Variants in GLYATL2 observed in about 807,000 individuals in gnomAD.
GLYATL2 encodes the protein glycine-N-acyltransferase like 2.
In GLYATL2, 25 loss-of-function variants were observed where a neutral mutation model predicts 21.4. That is an observed-to-expected ratio of 1.17 (90% CI 0.85 to 1.63). The LOEUF (loss-of-function observed/expected upper bound fraction) is 1.63. Among genes scored for constraint, GLYATL2 ranks in the 40% most tolerant of loss-of-function variants. The pLI, the probability that GLYATL2 is intolerant of heterozygous loss-of-function variation, is 0.00. For synonymous variants in GLYATL2, 114 were observed against 118.2 expected, an observed-to-expected ratio of 0.96 and a Z score of 0.23; for missense variants, 361 against 343.3, an observed-to-expected ratio of 1.05 and a Z score of -0.41.
upstream of GLYATL2, chr11:58,907,452 A>C: frequency 2.3e-6 from 1 of 437,850 alleles, no homozygotes; most frequent in Non-Finnish European, 4.6e-6. Context: ...CTTGCAAACC[A>C]TTATTTCATG....
At chr11:58,858,450 T>C (rs1459257728) in intron 1 of GLYATL2, among the ~76,000 whole-genome samples, 1 of 121,868 alleles carries the variant, frequency 8.2e-6, no homozygotes, top group African/African-American at 2.9e-5. Context: ...CTGTTAAAGA[T>C]GAAGAATTGG....
chr11:58,873,681 A>G (rs1215327885), intron 1 of GLYATL2, among the ~76,000 whole-genome samples: 1 of 152,100 alleles, frequency 6.6e-6, no homozygotes, highest in Non-Finnish European at 1.5e-5. Context: ...TGCTGGATTC[A>G]GTTTGCCAGT....
intron 2 of GLYATL2, among the ~76,000 whole-genome samples, chr11:58,838,675 CTATT>C (rs1853487573): frequency 1.3e-5 from 2 of 152,164 alleles, no homozygotes; most frequent in Admixed American, 1.3e-4. Context: ...TCATAACACA[CTATT>C]TATTTGGCAT....
At chr11:58,893,143 A>C (rs750442017) in intron 1 of GLYATL2, 2 of 399,868 alleles carry the variant, frequency 5.0e-6, no homozygotes, top group East Asian at 8.5e-5. Context: ...CCTTCCTTAC[A>C]TCAAGCGCTG....
At chr11:58,838,686 G>C (rs1284475140) in intron 2 of GLYATL2, among the ~76,000 whole-genome samples, 1 of 151,902 alleles carries the variant, frequency 6.6e-6, no homozygotes, top group Admixed American at 6.6e-5. Flanking sequence ...TATTTATTTG[G>C]CATCTATTAT....
At chr11:58,851,046 G>T (rs1249816532) in intron 1 of GLYATL2, among the ~76,000 whole-genome samples, 1 of 152,176 alleles carries the variant, frequency 6.6e-6, no homozygotes, top group Admixed American at 6.5e-5. Flanking sequence ...AAACAGGGAA[G>T]GGCCCCCTGT....
intron 1 of GLYATL2, among the ~76,000 whole-genome samples, chr11:58,855,176 C>T (rs930790368): frequency 3.5e-4 from 53 of 152,124 alleles, no homozygotes; most frequent in African/African-American, 1.3e-3. Flanking sequence ...ATTTACTTTG[C>T]CCTGATCCAT....
chr11:58,868,057 C>CCCTACAGATGGGAGAGGAG (rs960338334), intron 1 of GLYATL2, among the ~76,000 whole-genome samples: 2 of 148,690 alleles, frequency 1.3e-5, no homozygotes, highest in African/African-American at 2.4e-5. Flanking sequence ...AGCTCAGCAG[C>CCCTACAGATGGGAGAGGAG]CCTACAGATG....
At chr11:58,838,747 C>T (rs1253129109) in intron 2 of GLYATL2, among the ~76,000 whole-genome samples, 1 of 152,028 alleles carries the variant, frequency 6.6e-6, no homozygotes, top group African/African-American at 2.4e-5. Context: ...TATGATATGG[C>T]TACAACCCTA....
At chr11:58,841,521 A>G (rs1469971345) in intron 1 of GLYATL2, among the ~76,000 whole-genome samples, 1 of 152,196 alleles carries the variant, frequency 6.6e-6, no homozygotes, top group Admixed American at 6.5e-5. Flanking sequence ...CATTTTAAAG[A>G]CCTCTAATCC....
intron 1 of GLYATL2, among the ~76,000 whole-genome samples, chr11:58,894,558 T>C (rs1854604060): frequency 6.6e-6 from 1 of 152,022 alleles, no homozygotes; most frequent in Non-Finnish European, 1.5e-5. Flanking sequence ...GGAGTTGGCT[T>C]TGGGAGTAAA....
chr11:58,892,644 T>G (rs1288602737), intron 1 of GLYATL2: 29 of 322,386 alleles, frequency 9.0e-5, no homozygotes, highest in Non-Finnish European at 6.2e-6. Flanking sequence ...AATATTGCTT[T>G]CTTGCCTTTC....
chr11:58,871,614 C>T (rs1310894570), intron 1 of GLYATL2, among the ~76,000 whole-genome samples: 1 of 152,116 alleles, frequency 6.6e-6, no homozygotes, highest in African/African-American at 2.4e-5. Context: ...GACATGAACT[C>T]ATCCTTTTTT....
chr11:58,892,616 G>T, intron 1 of GLYATL2: 2 of 284,430 alleles, frequency 7.0e-6, no homozygotes, highest in South Asian at 1.5e-4. Context: ...AGTGTAAGTC[G>T]AGAACATCAC....
At chr11:58,863,759 G>C (rs1026688419) in intron 1 of GLYATL2, among the ~76,000 whole-genome samples, 5 of 152,082 alleles carry the variant, frequency 3.3e-5, no homozygotes, top group African/African-American at 4.8e-5. Flanking sequence ...GTCCACAAAG[G>C]CTTGCCTGGG....
chr11:58,838,288 C>A lies in GLYATL2; in HGVS notation c.159G>T (p.Gln53His), dbSNP rs990854783. ...EVLVDAWPDY[Q>H]IVITRPQKQE... ...GTTTCTGAGGCCGGGTAATGACGAT[C>A]TGGTAATCTGGCCAGGCATCTACCA... The change falls in exon 3 of 6, where the codon CAG becomes CAT. Residue 53 changes from glutamine to histidine, a missense_variant. By Grantham distance (24) the Gln-to-His change is conservative. Coordinates refer to ENST00000287275, the MANE Select transcript of GLYATL2 (RefSeq NM_145016.4). 4 of 1,613,126 alleles carry A rather than the reference C, an allele frequency of 2.5e-6. No individual in the cohort carries two copies. Among genetic ancestry groups the A allele is most frequent in the Non-Finnish European group, 3.4e-6 (4 of 1,179,234 alleles).
chr11:58,871,526 A>G (rs1195417267), intron 1 of GLYATL2, among the ~76,000 whole-genome samples: 2 of 148,754 alleles, frequency 1.3e-5, no homozygotes, highest in Non-Finnish European at 3.0e-5. Context: ...GAGTGAGAAC[A>G]TGCAGTGTTT....
At chr11:58,890,868 C>G (rs1012973391) in intron 1 of GLYATL2, among the ~76,000 whole-genome samples, 5 of 151,890 alleles carry the variant, frequency 3.3e-5, no homozygotes, top group Non-Finnish European at 7.4e-5. Context: ...TCTTCTCTCT[C>G]TCTTTTGCCA....
chr11:58,854,296 C>T lies in GLYATL2; in HGVS notation n.61-15928G>A, dbSNP rs558219229. 3.9e-5 allele frequency among the ~76,000 whole-genome samples: 6 copies of T among 152,226 alleles called. No homozygotes were observed. The East Asian group carries it at 1.2e-3, about 29-fold the overall frequency. ...TGCAGATATCTGTTTAACATACATG[C>T]CTGCCTCAGAGATATGGAGGGTTTA... On this transcript the variant is annotated intron_variant and non_coding_transcript_variant, in intron 1 of 4. Transcript: ENST00000533636.
Sources: allele counts gnomAD v4.1 joint callset (sites outside exome capture counted in the v4.1 genomes callset), GRCh38; gene constraint gnomAD v4.1.1; transcripts MANE v1.5; gene names NCBI Gene and HGNC (gene_info 2026-07-23, HGNC 2026-07-21).